PNKD: variants seen among roughly 807,000 people sequenced by gnomAD.
The protein encoded by PNKD is probable thioesterase PNKD.
PNKD carries 36 observed loss-of-function variants against 45.3 expected under a neutral mutation model. That is an observed-to-expected ratio of 0.80 (90% confidence interval 0.61 to 1.05). PNKD has a LOEUF of 1.05. Among genes scored for constraint, PNKD ranks in the 50% least tolerant of loss-of-function variants. The probability of loss-of-function intolerance (pLI) is 0.00; values close to 1 mark genes in which losing one functional copy is unlikely to be tolerated. For synonymous variants in PNKD, 197 were observed against 210.1 expected (o/e 0.94, Z 0.54); for missense variants, 511 against 506.6 (o/e 1.01, Z -0.08).
At chr2:218,278,669 G>A (rs1691520737) in intron 2 of PNKD, 2 of 1,274,140 alleles carry the variant, frequency 1.6e-6, no homozygotes. Context: ...TTGGAAGTCT[G>A]AGGGGAAGCA....
intron 2 of PNKD, chr2:218,282,187 A>G (rs767210967): frequency 7.2e-7 from 1 of 1,397,214 alleles, no homozygotes; most frequent in Non-Finnish European, 9.4e-7. Context: ...GGGACCTGAA[A>G]TGGGAGAGGA....
At chr2:218,296,045 G>T (rs1693133469) in intron 2 of PNKD, among the ~76,000 whole-genome samples, 1 of 151,934 alleles carries the variant, frequency 6.6e-6, no homozygotes. Flanking sequence ...ACAGGGTTTT[G>T]CCATGTTGCC....
intron 2 of PNKD, among the ~76,000 whole-genome samples, chr2:218,330,587 G>A (rs542076703): frequency 6.6e-6 from 1 of 152,306 alleles, no homozygotes; most frequent in Admixed American, 6.5e-5. Flanking sequence ...ACTTGCCCAG[G>A]CTGGCTGCTC....
chr2:218,281,916 T>G, intron 2 of PNKD: 1 of 1,560,582 alleles, frequency 6.4e-7, no homozygotes, highest in Non-Finnish European at 8.7e-7. Context: ...CCACCCACCT[T>G]CCATCTGCCC....
intron 2 of PNKD, among the ~76,000 whole-genome samples, chr2:218,284,615 G>C (rs1051000833): frequency 4.6e-5 from 7 of 152,172 alleles, no homozygotes; most frequent in African/African-American, 1.7e-4. Flanking sequence ...TAGTAGGCCT[G>C]CCTGCACTGC....
rs112879361 is a variant in PNKD at position 218,326,014 on chromosome 2, G to A, written c.237-13769G>A. ...GAGATATTTGCAGGAAACTGTAGGG[G>A]GGAAATGGGCAGGTGTTGGTGCTAG... On this transcript the variant is annotated intron_variant, in intron 2 of 9. Coordinates refer to ENST00000273077, the MANE Select transcript of PNKD (RefSeq NM_015488.5). This position sits in a 1 kb window ranked among gnomAD's most constrained non-coding sequence, Gnocchi z 4.1. Among the ~76,000 whole-genome samples, 3,172 of 152,092 alleles carry A rather than the reference G, an allele frequency of 0.021. 48 individuals are homozygous for A. The highest frequency in any genetic ancestry group is 0.032 in the Non-Finnish European group (2,166 of 67,964).
intron 2 of PNKD, among the ~76,000 whole-genome samples, chr2:218,321,540 A>T (rs1402456830): frequency 1.3e-5 from 2 of 152,082 alleles, no homozygotes; most frequent in Non-Finnish European, 2.9e-5. Flanking sequence ...TATTGGAATT[A>T]CAATTCAGTT....
At chr2:218,338,147 A>AAAAC (rs201787708) in intron 2 of PNKD, among the ~76,000 whole-genome samples, 7 of 151,250 alleles carry the variant, frequency 4.6e-5, no homozygotes, top group Admixed American at 6.6e-5. Context: ...CTCCCTCTCA[A>AAAAC]AAACAAACAA....
At chr2:218,274,196 G>T (rs1451441292) in intron 2 of PNKD, 1 of 154,954 alleles carries the variant, frequency 6.5e-6, no homozygotes, top group Non-Finnish European at 1.5e-5. Flanking sequence ...GCCATACAGG[G>T]TTTTAACTTC....
chr2:218,288,984 C>T (rs958990877), intron 2 of PNKD, among the ~76,000 whole-genome samples: 3 of 152,126 alleles, frequency 2.0e-5, no homozygotes, highest in African/African-American at 7.2e-5. Context: ...ATCTAGGGTC[C>T]CACAGCAGGC....
intron 2 of PNKD, among the ~76,000 whole-genome samples, chr2:218,297,795 C>T (rs569358964): frequency 1.3e-5 from 2 of 150,630 alleles, no homozygotes; most frequent in African/African-American, 2.4e-5. Context: ...GTCAGGAGAT[C>T]GAGACCATCC....
At chr2:218,320,436 C>T (rs997958866) in intron 2 of PNKD, among the ~76,000 whole-genome samples, 1 of 152,192 alleles carries the variant, frequency 6.6e-6, no homozygotes, top group Admixed American at 6.5e-5. Context: ...GTGCCTGTGG[C>T]TCATGCCTGG....
In PNKD at chr2:218,316,268, C is replaced by CTTTTTTTTTTT. The variant is rs397972881; in HGVS notation, c.237-23506_237-23496dup. On this transcript the variant is annotated intron_variant, in intron 2 of 9. Transcript: ENST00000273077. ...CAAGGGAAGATTTTTTTCTTTCTTT[C>CTTTTTTTTTTT]TTTTTTTTTTTTTTTTTTTGAGACA... is the stretch of plus-strand genomic sequence containing the variant. Among the ~76,000 whole-genome samples the CTTTTTTTTTTT allele has an allele frequency of 1.3e-3, 159 of 119,558 alleles. 1 individual carries two copies. The highest frequency in any genetic ancestry group is 1.9e-3 in the Non-Finnish European group (118 of 60,648). The allele number at this position is 119,558 out of a possible 152,430, so 78.4% of individuals were successfully genotyped here.
intron 2 of PNKD, among the ~76,000 whole-genome samples, chr2:218,299,037 T>C (rs1693209026): frequency 6.6e-6 from 1 of 152,226 alleles, no homozygotes; most frequent in Non-Finnish European, 1.5e-5. Context: ...TCCAGCTCTG[T>C]GACCGTGATT....
intron 2 of PNKD, chr2:218,281,899 G>C (rs1692043759): frequency 1.3e-6 from 2 of 1,518,036 alleles, no homozygotes; most frequent in Non-Finnish European, 1.8e-6. Flanking sequence ...TCCAAGTGCT[G>C]TCCCTCCCAC....
chr2:218,301,622 TA>T (rs141502607), intron 2 of PNKD, among the ~76,000 whole-genome samples: 3 of 152,052 alleles, frequency 2.0e-5, no homozygotes, highest in Non-Finnish European at 4.4e-5. Flanking sequence ...CCCATCTCTT[TA>T]AAAAAATTAA....
rs973183712 is a variant in PNKD, at chr2:218,323,209, G to C, written c.237-16574G>C. On this transcript the variant is annotated intron_variant, in intron 2 of 9. Transcript: ENST00000273077. ...GGCAGGTTCCCCGCGGGGGGCCGGG[G>C]CCGGGCCGTTGCCTAGCAACGCCGA... The C allele has an allele frequency of 2.1e-6, 3 of 1,416,844 alleles. No homozygotes were observed. The African/African-American group carries it at 4.5e-5, about 21-fold the overall frequency. The allele number at this position is 1,416,844 out of a possible 1,614,324, so 87.8% of individuals were successfully genotyped here. A position where few individuals can be genotyped will look rare whatever the true frequency, so the allele number is the denominator to read the frequency against.
chr2:218,292,558 C>G (rs1399465144), intron 2 of PNKD: 1 of 151,896 alleles, frequency 6.6e-6, no homozygotes, highest in Non-Finnish European at 1.5e-5. Flanking sequence ...CTCCGCGCCC[C>G]GCCCCGTCGC....
At chr2:218,314,222 C>CTCT (rs1693702180) in intron 2 of PNKD, among the ~76,000 whole-genome samples, 2 of 67,710 alleles carry the variant, frequency 3.0e-5, no homozygotes, top group Non-Finnish European at 5.1e-5. Context: ...CGCGCCCTGG[C>CTCT]TTTTTTTTTT....
Sources: allele counts gnomAD v4.1 joint callset (sites outside exome capture counted in the v4.1 genomes callset), GRCh38; gene constraint gnomAD v4.1.1; non-coding constraint Gnocchi (gnomAD v3.1); transcripts MANE v1.5; gene names NCBI Gene and HGNC (gene_info 2026-07-23, HGNC 2026-07-21).